KLF8: variants seen among roughly 807,000 people sequenced by gnomAD.
KLF8 encodes Krueppel-like factor 8.
Under a neutral mutation model 18.2 loss-of-function variants are expected in KLF8, and 10 were observed. The ratio of observed to expected loss-of-function variants is 0.55; its 90% CI spans 0.34 to 0.93. KLF8 has a LOEUF of 0.93. KLF8 is among the 40% of genes least tolerant of loss of function. The probability of loss-of-function intolerance (pLI) is 0.02; values close to 1 mark genes in which losing one functional copy is unlikely to be tolerated. For synonymous variants in KLF8, 109 were observed against 97.3 expected (o/e 1.12, Z -0.71); for missense variants, 264 against 277.9 (o/e 0.95, Z 0.36).
At chrX:55,956,129 TTATCTATC>T in the KLF8 span, among the ~76,000 whole-genome samples, 6,290 of 95,407 alleles carry the variant, frequency 0.066, 260 homozygotes, top group African/African-American at 0.17. Flanking sequence ...ATCTATCTAT[TTATCTATC>T]TATCTATCTA....
rs1231474943 is a variant in KLF8, at chrX:56,290,263, C to A, written c.*5769C>A. ...TCTACCTCACAGGAATGTTGTGAGG[C>A]TTCTCATAAATTGATTTTGGCAAAA... On this transcript the variant is annotated 3_prime_UTR_variant, in exon 6 of 6. Transcript: ENST00000468660. 9.0e-5 allele frequency among the ~76,000 whole-genome samples: 10 copies of A among 111,459 alleles called. No individual in the cohort carries two copies. The highest frequency in any genetic ancestry group is 1.9e-4 in the Non-Finnish European group (10 of 53,024).
At chrX:56,211,209 T>C in the KLF8 span, among the ~76,000 whole-genome samples, 4 of 112,596 alleles carry the variant, frequency 3.6e-5, no homozygotes, top group African/African-American at 1.3e-4. Flanking sequence ...AAGACTTGGA[T>C]GTTGTAATCT....
the KLF8 span, among the ~76,000 whole-genome samples, chrX:56,102,802 G>T: frequency 9.1e-6 from 1 of 109,800 alleles, no homozygotes; most frequent in Non-Finnish European, 1.9e-5. Flanking sequence ...TGCAAAACTT[G>T]CAGGCTTGTT....
At chrX:56,266,862 C>G (rs746354412) in intron 3 of KLF8, 1 of 752,134 alleles carries the variant, frequency 1.3e-6, no homozygotes, top group African/African-American at 2.3e-5. Context: ...CAACATACTA[C>G]TAAGCATCAA....
chrX:55,946,591 T>C, the KLF8 span, among the ~76,000 whole-genome samples: 33 of 111,419 alleles, frequency 3.0e-4, no homozygotes, highest in African/African-American at 9.8e-4. Flanking sequence ...GACTTCATGT[T>C]TGAAACACCA....
the KLF8 span, among the ~76,000 whole-genome samples, chrX:56,148,641 C>T: frequency 8.9e-6 from 1 of 111,976 alleles, no homozygotes; most frequent in Non-Finnish European, 1.9e-5. Context: ...CTCACAGTTC[C>T]ACATGGCTGG....
the KLF8 span, among the ~76,000 whole-genome samples, chrX:55,964,383 C>T: frequency 8.9e-6 from 1 of 111,850 alleles, no homozygotes; most frequent in African/African-American, 3.3e-5. Context: ...TGATTCCAGC[C>T]TGAGCAACAT....
At chrX:56,052,966 G>A in the KLF8 span, among the ~76,000 whole-genome samples, 5 of 111,923 alleles carry the variant, frequency 4.5e-5, no homozygotes, top group South Asian at 3.8e-4. Context: ...ATATAATCTC[G>A]TGGTGGGCCG....
the KLF8 span, among the ~76,000 whole-genome samples, chrX:56,006,284 C>T: frequency 1.2e-3 from 130 of 112,046 alleles, no homozygotes; most frequent in African/African-American, 4.2e-3. Flanking sequence ...TCCAGAGGTC[C>T]ATGGTGAAAG....
the KLF8 span, among the ~76,000 whole-genome samples, chrX:55,939,648 A>AAG: frequency 1.8e-5 from 2 of 111,649 alleles, no homozygotes; most frequent in Non-Finnish European, 3.8e-5. Flanking sequence ...TAAAGAAGAA[A>AAG]AGAGAGAAGA....
upstream of KLF8, among the ~76,000 whole-genome samples, chrX:56,229,095 G>A (rs1406391421): frequency 9.1e-6 from 1 of 110,285 alleles, no homozygotes; most frequent in Non-Finnish European, 1.9e-5. Context: ...TCTACTGGGA[G>A]CAGAGAGGGT....
chrX:55,910,869 A>G, the KLF8 span, among the ~76,000 whole-genome samples: 19 of 111,944 alleles, frequency 1.7e-4, no homozygotes, highest in African/African-American at 6.2e-4. Flanking sequence ...CATACCAACC[A>G]TTGTTTTATA....
the KLF8 span, among the ~76,000 whole-genome samples, chrX:56,050,869 G>T: frequency 7.3e-5 from 8 of 109,513 alleles, no homozygotes; most frequent in Non-Finnish European, 1.5e-4. Context: ...ACAGTGGGGT[G>T]TTAAAGTCTC....
At chrX:56,091,386 T>A in the KLF8 span, among the ~76,000 whole-genome samples, 2 of 111,548 alleles carry the variant, frequency 1.8e-5, no homozygotes, top group Non-Finnish European at 3.8e-5. Flanking sequence ...TGTGAGTCAA[T>A]TACACCTATT....
In KLF8 at chrX:56,267,616, C is replaced by A. The variant is rs970703781; in HGVS notation, c.647-1762C>A. On this transcript the variant is annotated intron_variant, in intron 3 of 5. Transcript: ENST00000468660. ...GGGGCTTACTAAACCTTAGGGGGCA[C>A]ATATAAAACAATTGGAGTGCAAGAA... 4 of 110,659 alleles carry A rather than the reference C, an allele frequency of 3.6e-5. No homozygotes were observed. In the Admixed American group the frequency reaches 3.9e-4, roughly 11 times the overall value. The allele number at this position is 110,659 out of a possible 1,213,427, so 9.1% of individuals were successfully genotyped here.
At chrX:56,276,288 G>A (rs1344296349) in intron 5 of KLF8, among the ~76,000 whole-genome samples, 1 of 110,818 alleles carries the variant, frequency 9.0e-6, no homozygotes, top group African/African-American at 3.3e-5. Context: ...GTCTGTTCAG[G>A]TTTTGGATTT....
chrX:56,180,413 C>A, the KLF8 span, among the ~76,000 whole-genome samples: 1 of 110,947 alleles, frequency 9.0e-6, no homozygotes, highest in Admixed American at 9.7e-5. Flanking sequence ...TTCCAAAAAC[C>A]CTCTGGATTC....
chrX:55,926,508 G>A, the KLF8 span, among the ~76,000 whole-genome samples: 2 of 109,857 alleles, frequency 1.8e-5, no homozygotes, highest in Non-Finnish European at 3.8e-5. Flanking sequence ...ATTTACTCAC[G>A]CACTCAATTT....
the KLF8 span, among the ~76,000 whole-genome samples, chrX:56,103,028 T>C: frequency 9.2e-6 from 1 of 108,157 alleles, no homozygotes; most frequent in Non-Finnish European, 1.9e-5. Context: ...TCCTCAGAGG[T>C]TGCATTATTT....
Sources: gnomAD v4.1 joint callset for allele counts (sites outside exome capture counted in the v4.1 genomes callset) on GRCh38, gnomAD v4.1.1 for gene constraint, MANE v1.5 for transcripts, NCBI Gene and HGNC (gene_info 2026-07-23, HGNC 2026-07-21) for gene names.